The following NEB variants were observed in gnomAD, a reference collection of about 807,000 sequenced individuals.
The protein encoded by NEB is nemaline myopathy type 2.
In NEB, 512 loss-of-function variants were observed where a neutral mutation model predicts 952.2. The observed-to-expected ratio is 0.54, with a 90% CI of 0.50 to 0.58. The LOEUF is 0.58. Among genes scored for constraint, NEB ranks in the 20% least tolerant of loss-of-function variants. NEB has a pLI of 0.00. For synonymous variants in NEB, 2,900 were observed against 3,149.8 expected, an observed-to-expected ratio of 0.92 and a Z score of 2.66; for missense variants, 8,428 against 9,231.1, an observed-to-expected ratio of 0.91 and a Z score of 3.56.
intron 5 of NEB, 52 bp downstream of exon 5, chr2:151,727,639 A>T: frequency 1.3e-6 from 2 of 1,525,334 alleles, no homozygotes; most frequent in Non-Finnish European, 1.8e-6. Context: ...GAGTTGAGAT[A>T]AGTAATTTCT....
chr2:151,717,432 G>T lies in NEB; in HGVS notation c.806C>A (p.Thr269Asn). The change falls in exon 10 of 182, where the codon ACC (threonine) becomes AAC (asparagine). Residue 269 changes from threonine to asparagine, a missense_variant. Thr to Asn is a moderately conservative substitution (Grantham distance 65, BLOSUM62 0). Coordinates refer to ENST00000397345, the MANE Select transcript of NEB (RefSeq NM_001164508.2). Reference protein sequence around the residue: ...PPDIEFAKKVTNQVSKQKYKE... With the variant: ...PPDIEFAKKVNNQVSKQKYKE... ...TTTACTTACCTTGCTCACTTGATTG[G>T]TTACTTTCTTGGCAAATTCTATATC... 6.2e-7 allele frequency: 1 copy of T among 1,612,608 alleles called. No homozygotes were observed. The highest frequency in any genetic ancestry group is 8.5e-7 in the Non-Finnish European group (1 of 1,178,656).
At chr2:151,704,835 A>G (rs1049027346) in intron 13 of NEB, among the ~76,000 whole-genome samples, 2 of 152,106 alleles carry the variant, frequency 1.3e-5, no homozygotes, top group Admixed American at 1.3e-4. Flanking sequence ...TCGCTCGCTC[A>G]CGCTGGGAGC....
At chr2:151,562,078 G>A in intron 121 of NEB, 32 bp downstream of exon 121, 1 of 1,547,394 alleles carries the variant, frequency 6.5e-7, no homozygotes, top group Non-Finnish European at 8.9e-7. Context: ...GATGACCCAT[G>A]GAGAACCAGT....
At position 151,655,873 on chromosome 2, in the gene NEB, G is replaced by T; in HGVS notation, c.6646C>A (p.Leu2216Met). 1 of 1,613,762 alleles carries T rather than the reference G, an allele frequency of 6.2e-7. No individual in the cohort carries two copies. The highest frequency in any genetic ancestry group is 8.5e-7 in the Non-Finnish European group (1 of 1,179,794). ...AGCACCATGTCCATGGAATCAGTCA[G>T]CTTCTTAAACTGGAAGTTGCTCGGG... ...QHPSNFQFKK[L>M]TDSMDMVLAK... is the part of the protein sequence containing the mutation. The change falls in exon 50 of 182, where the codon CTG (leucine) becomes ATG (methionine). Residue 2216 changes from leucine to methionine, a missense_variant. Leu to Met is a conservative substitution (Grantham distance 15). Transcript: ENST00000397345.
chr2:151,492,536 T>C lies in NEB; in HGVS notation c.24766-42A>G, dbSNP rs1461832081. ...CGTGAATGAGTGGTGCTGTCCTAAA[T>C]CTGAAACCTCAAAGCCTTTCCAGCA... On this transcript the variant is annotated intron_variant, in intron 176 of 181. Coordinates refer to ENST00000397345, the MANE Select transcript of NEB (RefSeq NM_001164508.2). 15 of 1,438,210 alleles carry C rather than the reference T, an allele frequency of 1.0e-5. No individual in the cohort carries two copies. The African/African-American group carries it at 1.3e-4, about 12-fold the overall frequency. The allele number at this position is 1,438,210 out of a possible 1,614,324, so 89.1% of individuals were successfully genotyped here.
At chr2:151,698,949 A>G in intron 13 of NEB, among the ~76,000 whole-genome samples, 25 of 139,862 alleles carry the variant, frequency 1.8e-4, no homozygotes, top group East Asian at 2.1e-4. Flanking sequence ...TACATGTGCC[A>G]TGCTGGTGCG....
chr2:151,552,733 T>C lies in NEB; in HGVS notation c.19775A>G (p.Lys6592Arg). 1.2e-6 allele frequency: 2 copies of C among 1,613,444 alleles called. No homozygotes were observed. The highest frequency in any genetic ancestry group is 8.5e-7 in the Non-Finnish European group (1 of 1,179,576). ...GTAGACTGGTGTATCTGTGACAAGCTTGTAGTCATTCCTTGTTTTCAACAT... is the reference window on the plus strand; with the variant it reads ...GTAGACTGGTGTATCTGTGACAAGCCTGTAGTCATTCCTTGTTTTCAACAT... The part of the protein sequence containing the change: ...AHMLKTRNDY[K>R]LVTDTPVYVQ... Residue 6592 changes from lysine (K) to arginine (R), a missense_variant, in exon 128 of 182, where the codon AAG becomes AGG. Around this residue, in one of 11 missense-constraint regions of NEB, gnomAD observed 3,374 missense variants for 3,651.5 expected, o/e 0.92. Transcript: ENST00000397345.
At chr2:151,518,834 A>C (rs936471710) in intron 155 of NEB, 131 bp downstream of exon 155, 11 of 636,340 alleles carry the variant, frequency 1.7e-5, no homozygotes, top group Non-Finnish European at 3.1e-5. Context: ...GGAAGAATAC[A>C]CTCAAATGAG....
chr2:151,533,181 A>G (rs1283011196), intron 143 of NEB, among the ~76,000 whole-genome samples: 2 of 152,252 alleles, frequency 1.3e-5, no homozygotes, highest in Admixed American at 1.3e-4. Flanking sequence ...AATTAATGTT[A>G]TACCACTTTG....
intron 169 of NEB, among the ~76,000 whole-genome samples, chr2:151,498,891 T>TTAAA (rs577381350): frequency 6.7e-6 from 1 of 150,220 alleles, no homozygotes; most frequent in Non-Finnish European, 1.5e-5. Context: ...GATAAGGTGC[T>TTAAA]AAAAAAAAGA....
intron 124 of NEB, 63 bp downstream of exon 124, chr2:151,560,529 T>C (rs1159243165): frequency 1.7e-6 from 2 of 1,153,252 alleles, no homozygotes; most frequent in African/African-American, 1.9e-5. Flanking sequence ...GAAAGATTCT[T>C]GGAGTGGAGA....
intron 30 of NEB, among the ~76,000 whole-genome samples, chr2:151,680,271 G>A (rs1348331927): frequency 2.6e-5 from 4 of 151,962 alleles, no homozygotes; most frequent in Non-Finnish European, 4.4e-5. Flanking sequence ...GGAACCTCTG[G>A]GCCTAGCTCA....
chr2:151,550,032 C>T (rs2095178794), intron 129 of NEB, among the ~76,000 whole-genome samples: 1 of 152,056 alleles, frequency 6.6e-6, no homozygotes, highest in Admixed American at 6.6e-5. Context: ...CTTTGGGAGG[C>T]CAAGGCAGGA....
chr2:151,631,957 A>G (rs939334113), intron 65 of NEB, among the ~76,000 whole-genome samples: 1 of 152,214 alleles, frequency 6.6e-6, no homozygotes, highest in African/African-American at 2.4e-5. Flanking sequence ...CAGTTAAAAT[A>G]TAACAGTGCT....
intron 124 of NEB, among the ~76,000 whole-genome samples, chr2:151,559,986 A>G (rs2095920793): frequency 6.6e-6 from 1 of 152,174 alleles, no homozygotes. Flanking sequence ...ACTTAAGAAC[A>G]TTAATGGTTA....
chr2:151,570,759 G>A (rs1413908761), intron 107 of NEB, among the ~76,000 whole-genome samples, 158 bp from the exon 108 acceptor site: 1 of 152,184 alleles, frequency 6.6e-6, no homozygotes, highest in Admixed American at 6.5e-5. Context: ...ATGCACCATT[G>A]TCCTGGAACA....
chr2:151,576,723 C>T (rs1044592207), intron 105 of NEB, among the ~76,000 whole-genome samples: 31 of 150,906 alleles, frequency 2.1e-4, no homozygotes, highest in African/African-American at 3.7e-4. Flanking sequence ...TTAGTAGAGA[C>T]GGAGTTTCAC....
chr2:151,526,075 G>A lies in NEB; in HGVS notation c.22051-7C>T. On this transcript the variant is annotated splice_polypyrimidine_tract_variant and splice_region_variant and intron_variant, in intron 149 of 181. Transcript: ENST00000397345. ...CATGGTCCTTGTACTTGTTCTGGGG[G>A]AATCCATAGAGAGCTCATTAAGGCA... 1 of 1,612,934 alleles carries A rather than the reference G, an allele frequency of 6.2e-7. No homozygotes were observed. The highest frequency in any genetic ancestry group is 1.6e-4 in the Middle Eastern group (1 of 6,062).
Position 151,665,498 on chromosome 2 carries a change from G to T in NEB, c.5073C>A (p.Ile1691=), listed in dbSNP as rs190322907. The T allele has an allele frequency of 6.2e-7, 1 of 1,611,218 alleles. No individual in the cohort carries two copies. The highest frequency in any genetic ancestry group is 2.2e-5 in the East Asian group (1 of 44,842). The part of the protein sequence containing the change: ...KSDFTNWMKG[I]GWVPIESLEV... ...CCAGGGACTCTATGGGCACCCAGCC[G>T]ATCCCTTTCATCCAATTGGTGAAGT... The change falls in exon 42 of 182, where the codon ATC becomes ATA. Residue 1691 remains isoleucine (I), a synonymous_variant. Transcript: ENST00000397345.
Sources: allele counts gnomAD v4.1 joint callset (sites outside exome capture counted in the v4.1 genomes callset), GRCh38; gene constraint gnomAD v4.1.1; regional missense constraint gnomAD v4.1.1; transcripts MANE v1.5; gene names NCBI Gene and HGNC (gene_info 2026-07-23, HGNC 2026-07-21).